Variants in BTBD10 observed in about 807,000 individuals in gnomAD.
BTBD10 encodes BTB/POZ domain-containing protein 10.
A neutral mutation model predicts 53.2 loss-of-function variants in BTBD10; 21 were observed. The observed-to-expected ratio is 0.39, with a 90% CI of 0.28 to 0.57. The LOEUF (loss-of-function observed/expected upper bound fraction) is 0.57, where lower values mean the gene tolerates loss of function less well. BTBD10 is among the 20% of genes least tolerant of loss of function. The pLI is 0.53. For synonymous variants in BTBD10, 149 were observed against 192.7 expected (o/e 0.77, Z 1.88); for missense variants, 360 against 594.7 (o/e 0.61, Z 4.10).
intron 7 of BTBD10, chr11:13,404,646 G>C: frequency 2.0e-6 from 2 of 982,438 alleles, no homozygotes; most frequent in Non-Finnish European, 2.4e-6. Context: ...TGTCAGCAAA[G>C]AGCCTAGAAC....
In BTBD10 at chr11:13,400,643, C is replaced by A. The variant is rs1191649289; in HGVS notation, c.1117+2525G>T. On this transcript the variant is annotated intron_variant, in intron 8 of 8. Transcript: ENST00000278174. ...TCACCCATTTTCTGCGTCGCTCACG[C>A]TGGAAGCTGTAGACTGGAGCTGTTC... 2.0e-5 allele frequency among the ~76,000 whole-genome samples: 3 copies of A among 152,228 alleles called. 1 individual carries two copies. Among genetic ancestry groups the A allele is most frequent in the Non-Finnish European group, 4.4e-5 (3 of 68,040 alleles).
At position 13,388,269 on chromosome 11, in the gene BTBD10, T is replaced by A. The variant is rs571246330; in HGVS notation, c.*562A>T. On this transcript the variant is annotated 3_prime_UTR_variant, in exon 9 of 9. Coordinates refer to ENST00000278174, the MANE Select transcript of BTBD10 (RefSeq NM_032320.7). ...TGGAGATAACTGAACTGGTAAGATA[T>A]GGGCATTAAATCTCATCCTGATCAT... 1 of 153,592 alleles carries A rather than the reference T, an allele frequency of 6.5e-6. No individual in the cohort carries two copies. The highest frequency in any genetic ancestry group is 1.5e-5 in the Non-Finnish European group (1 of 68,686). 9.5% of individuals were successfully genotyped at this position (153,592 alleles called of 1,614,324 possible).
At chr11:13,409,242 C>T (rs923136779) in intron 6 of BTBD10, among the ~76,000 whole-genome samples, 1 of 152,192 alleles carries the variant, frequency 6.6e-6, no homozygotes, top group Non-Finnish European at 1.5e-5. Flanking sequence ...TGGAATTTAA[C>T]ATTTTTATTT....
intron 2 of BTBD10, chr11:13,440,076 TC>T: frequency 6.6e-7 from 1 of 1,525,930 alleles, no homozygotes; most frequent in Non-Finnish European, 8.8e-7. Flanking sequence ...ATCAGAAAAT[TC>T]CCCAGTCTCC....
intron 3 of BTBD10, 71 bp downstream of exon 3, chr11:13,421,571 G>A (rs1950242662): frequency 1.5e-6 from 2 of 1,350,154 alleles, no homozygotes; most frequent in South Asian, 1.4e-5. Context: ...ACAATTCAAT[G>A]TCATTACTAC....
intron 6 of BTBD10, among the ~76,000 whole-genome samples, chr11:13,407,397 T>A (rs146283013): frequency 1.3e-5 from 2 of 152,266 alleles, no homozygotes; most frequent in Admixed American, 6.5e-5. Context: ...ACTCAATACA[T>A]CCAAAATTTA....
Position 13,439,894 on chromosome 11 carries a change from T to C in BTBD10, c.101+5130A>G, listed in dbSNP as rs1032602687. ...TAAATGAATACACACCTTCCTTTAG[T>C]ATATGCCAAGGTAGACACACAAAAA... On this transcript the variant is annotated intron_variant, in intron 2 of 8. Transcript: ENST00000278174. 2.6e-6 allele frequency: 4 copies of C among 1,530,480 alleles called. No homozygotes were observed. The African/African-American group carries it at 5.5e-5, about 21-fold the overall frequency. The allele number at this position is 1,530,480 out of a possible 1,614,324, so 94.8% of individuals were successfully genotyped here.
In BTBD10 at chr11:13,413,636, T is replaced by C. The variant is rs1421144185; in HGVS notation, c.702A>G (p.Thr234=). The stretch of plus-strand genomic sequence containing the variant: ...TGCCATCAGGACAACGGATTATTCC[T>C]GTTTTATAGTAATCCTGGAAAAAGA... ...VFRAILDYYK[T]GIIRCPDGIS... Residue 234 remains threonine, a synonymous_variant, in exon 6 of 9, where the codon ACA becomes ACG. Transcript: ENST00000278174. The C allele has an allele frequency of 6.2e-6, 10 of 1,608,584 alleles. No individual in the cohort carries two copies. Among genetic ancestry groups the C allele is most frequent in the Non-Finnish European group, 8.5e-6 (10 of 1,177,720 alleles).
intron 6 of BTBD10, among the ~76,000 whole-genome samples, chr11:13,412,125 C>T (rs1040435191): frequency 6.6e-6 from 1 of 152,010 alleles, no homozygotes; most frequent in Non-Finnish European, 1.5e-5. Context: ...GCCACTGCAC[C>T]CAGCCCCTAA....
At chr11:13,405,589 G>C in intron 7 of BTBD10, 70 bp downstream of exon 7, 1 of 1,547,628 alleles carries the variant, frequency 6.5e-7, no homozygotes, top group Non-Finnish European at 8.9e-7. Flanking sequence ...TATGAGAAGA[G>C]CTCTTCTTTA....
At chr11:13,458,939 T>C (rs11022836) in intron 1 of BTBD10, among the ~76,000 whole-genome samples, 149 of 152,224 alleles carry the variant, frequency 9.8e-4, no homozygotes, top group African/African-American at 3.5e-3. Context: ...CCAGCACTAT[T>C]TGTATGCCAC....
chr11:13,460,915 A>G (rs753348346), intron 1 of BTBD10, among the ~76,000 whole-genome samples: 9 of 152,238 alleles, frequency 5.9e-5, no homozygotes, highest in Non-Finnish European at 1.2e-4. Context: ...TTTCTGTACA[A>G]GATACCTATA....
At chr11:13,446,601 C>T (rs569721365) in intron 1 of BTBD10, among the ~76,000 whole-genome samples, 1 of 152,116 alleles carries the variant, frequency 6.6e-6, no homozygotes, top group South Asian at 2.1e-4. Context: ...CAAATTCTTC[C>T]TTTGAATCTA....
intron 1 of BTBD10, among the ~76,000 whole-genome samples, chr11:13,446,041 T>C (rs747807510): frequency 2.0e-5 from 3 of 152,162 alleles, no homozygotes; most frequent in Non-Finnish European, 2.9e-5. Flanking sequence ...ATTCACTATA[T>C]AGAATAAAAT....
At chr11:13,443,651 G>T (rs1158127888) in intron 2 of BTBD10, among the ~76,000 whole-genome samples, 1 of 151,530 alleles carries the variant, frequency 6.6e-6, no homozygotes, top group Non-Finnish European at 1.5e-5. Context: ...CTGGAATGCA[G>T]TGGCCTACTG....
At chr11:13,410,357 G>A (rs1276534831) in intron 6 of BTBD10, among the ~76,000 whole-genome samples, 1 of 152,108 alleles carries the variant, frequency 6.6e-6, no homozygotes, top group Non-Finnish European at 1.5e-5. Flanking sequence ...CAAAGGAAGG[G>A]AGAGTCAAGA....
At chr11:13,452,630 C>T (rs754671434) in intron 1 of BTBD10, among the ~76,000 whole-genome samples, 1 of 152,100 alleles carries the variant, frequency 6.6e-6, no homozygotes, top group Non-Finnish European at 1.5e-5. Context: ...CATACATAAA[C>T]TTTTGATAAG....
chr11:13,462,230 A>G (rs1162904474), intron 1 of BTBD10, among the ~76,000 whole-genome samples: 1 of 152,224 alleles, frequency 6.6e-6, no homozygotes, highest in East Asian at 1.9e-4. Context: ...AGGGGCGGGA[A>G]GGAACTCAGT....
At chr11:13,452,100 G>T (rs909694838) in intron 1 of BTBD10, among the ~76,000 whole-genome samples, 1 of 152,154 alleles carries the variant, frequency 6.6e-6, no homozygotes, top group African/African-American at 2.4e-5. Context: ...ATTGAAAAGA[G>T]ATTCAGAGAC....
Sources: allele counts gnomAD v4.1 joint callset (sites outside exome capture counted in the v4.1 genomes callset), GRCh38; gene constraint gnomAD v4.1.1; transcripts MANE v1.5; gene names NCBI Gene and HGNC (gene_info 2026-07-23, HGNC 2026-07-21).